DRC11: variants seen among roughly 807,000 people sequenced by gnomAD.
The protein encoded by DRC11 is dynein regulatory complex subunit 11.
At chr2:236,501,838 C>T in the DRC11 span, among the ~76,000 whole-genome samples, 7 of 152,248 alleles carry the variant, frequency 4.6e-5, no homozygotes, top group South Asian at 2.1e-4. Context: ...GTTTAGAACT[C>T]GGATCTGAAA....
chr2:236,476,566 C>T, the DRC11 span, among the ~76,000 whole-genome samples: 2 of 152,060 alleles, frequency 1.3e-5, no homozygotes, highest in Non-Finnish European at 2.9e-5. This position sits in a 1 kb window ranked among gnomAD's most constrained non-coding sequence, Gnocchi z 4.7. Context: ...CTCTCTTTTG[C>T]CAAATTACTC....
chr2:236,331,651 G>A, the DRC11 span: 1 of 1,339,096 alleles, frequency 7.5e-7, no homozygotes, highest in Non-Finnish European at 1.1e-6. This position sits in a 1 kb window ranked among gnomAD's most constrained non-coding sequence, Gnocchi z 4.8. Flanking sequence ...AGAAATCAGT[G>A]CCAGTTTCCC....
the DRC11 span, among the ~76,000 whole-genome samples, chr2:236,480,748 T>A: frequency 6.6e-6 from 1 of 152,234 alleles, no homozygotes; most frequent in East Asian, 1.9e-4. Context: ...CTTTGTCTCA[T>A]TGAGGTCACA....
At chr2:236,401,160 GC>G in the DRC11 span, among the ~76,000 whole-genome samples, 1 of 152,120 alleles carries the variant, frequency 6.6e-6, no homozygotes, top group South Asian at 2.1e-4. The surrounding 1 kb of genome is among the most constrained non-coding windows in gnomAD (Gnocchi z 4.6). Flanking sequence ...CCTCAGGAGT[GC>G]CCCCGCCCAC....
chr2:236,357,637 T>C, the DRC11 span, among the ~76,000 whole-genome samples: 226 of 93,984 alleles, frequency 2.4e-3, 11 homozygotes, highest in South Asian at 0.057. Flanking sequence ...ATGCATATAA[T>C]ATGTAAATAT....
the DRC11 span, among the ~76,000 whole-genome samples, chr2:236,342,111 G>A: frequency 6.6e-6 from 1 of 152,170 alleles, no homozygotes; most frequent in Non-Finnish European, 1.5e-5. This position sits in a 1 kb window ranked among gnomAD's most constrained non-coding sequence, Gnocchi z 5.8. Context: ...AAGGCAGAGG[G>A]GCCGGAGGGT....
chr2:236,486,886 G>A, the DRC11 span: 3 of 1,608,552 alleles, frequency 1.9e-6, no homozygotes, highest in Non-Finnish European at 2.5e-6. The surrounding 1 kb of genome is among the most constrained non-coding windows in gnomAD (Gnocchi z 5.7). Flanking sequence ...TACGTTGATG[G>A]AAACGTCGCC....
chr2:236,491,146 A>G, the DRC11 span, among the ~76,000 whole-genome samples: 2 of 77,686 alleles, frequency 2.6e-5, no homozygotes, highest in Non-Finnish European at 5.2e-5. Context: ...TATACAGTAT[A>G]TATATACACA....
the DRC11 span, among the ~76,000 whole-genome samples, chr2:236,487,473 C>T: frequency 2.0e-5 from 3 of 151,974 alleles, no homozygotes; most frequent in African/African-American, 7.3e-5. Context: ...TTGCCATCTG[C>T]TGTGTTTCCC....
At chr2:236,324,536 A>G in the DRC11 span, 27 of 577,462 alleles carry the variant, frequency 4.7e-5, no homozygotes, top group Non-Finnish European at 8.0e-5. This position sits in a 1 kb window ranked among gnomAD's most constrained non-coding sequence, Gnocchi z 5.7. Context: ...GCTCACCTGC[A>G]CACTGCTAAG....
chr2:236,488,381 C>T, the DRC11 span, among the ~76,000 whole-genome samples: 2 of 152,196 alleles, frequency 1.3e-5, no homozygotes, highest in Non-Finnish European at 2.9e-5. Context: ...ATGACATGCT[C>T]ATGCTGTGAT....
At chr2:236,501,900 AACCC>A in the DRC11 span, among the ~76,000 whole-genome samples, 3 of 152,216 alleles carry the variant, frequency 2.0e-5, no homozygotes, top group Admixed American at 2.0e-4. Flanking sequence ...TGTTCCCTCT[AACCC>A]AGGAGGGTTG....
chr2:236,363,123 A>G, the DRC11 span, among the ~76,000 whole-genome samples: 1 of 152,246 alleles, frequency 6.6e-6, no homozygotes, highest in Admixed American at 6.5e-5. This position sits in a 1 kb window ranked among gnomAD's most constrained non-coding sequence, Gnocchi z 5.6. Flanking sequence ...TGAAATGAAT[A>G]GCATAAGGCT....
At chr2:236,356,670 G>A in the DRC11 span, among the ~76,000 whole-genome samples, 747 of 151,912 alleles carry the variant, frequency 4.9e-3, 18 homozygotes, top group African/African-American at 0.018. Flanking sequence ...GAAAATATGT[G>A]TAAAACGCCT....
chr2:236,457,451 T>C, the DRC11 span, among the ~76,000 whole-genome samples: 2 of 152,208 alleles, frequency 1.3e-5, no homozygotes, highest in African/African-American at 4.8e-5. This position sits in a 1 kb window ranked among gnomAD's most constrained non-coding sequence, Gnocchi z 4.7. Context: ...ATGAACGCTA[T>C]TCATGAATGA....
At chr2:236,397,311 T>C in the DRC11 span, among the ~76,000 whole-genome samples, 1 of 152,222 alleles carries the variant, frequency 6.6e-6, no homozygotes, top group African/African-American at 2.4e-5. The surrounding 1 kb of genome is among the most constrained non-coding windows in gnomAD (Gnocchi z 5.0). Context: ...TCATTGTCTT[T>C]ACATAGTCGT....
At chr2:236,357,302 CAT>C in the DRC11 span, among the ~76,000 whole-genome samples, 1 of 112,494 alleles carries the variant, frequency 8.9e-6, no homozygotes, top group Non-Finnish European at 1.7e-5. Context: ...ATTATATATT[CAT>C]ATAGATCTAT....
At chr2:236,443,907 G>A in the DRC11 span, among the ~76,000 whole-genome samples, 2 of 151,326 alleles carry the variant, frequency 1.3e-5, no homozygotes, top group East Asian at 3.9e-4. The surrounding 1 kb of genome is among the most constrained non-coding windows in gnomAD (Gnocchi z 4.4). Flanking sequence ...ATGGTATCTC[G>A]TGATTTTGAT....
chr2:236,464,883 C>T, the DRC11 span, among the ~76,000 whole-genome samples: 11 of 152,276 alleles, frequency 7.2e-5, no homozygotes, highest in East Asian at 1.5e-3. Context: ...TTTGACGTGC[C>T]TTCTCCTGCA....
Sources: allele counts gnomAD v4.1 joint callset (sites outside exome capture counted in the v4.1 genomes callset), GRCh38; gene constraint gnomAD v4.1.1; non-coding constraint Gnocchi (gnomAD v3.1); transcripts MANE v1.5; gene names NCBI Gene and HGNC (gene_info 2026-07-23, HGNC 2026-07-21).